The following FYCO1 variants were observed in gnomAD, a reference collection of about 807,000 sequenced individuals.
FYCO1 encodes the protein FYVE and coiled-coil domain-containing protein 1.
A neutral mutation model predicts 165.1 loss-of-function variants in FYCO1; 122 were observed. That is an observed-to-expected ratio of 0.74 (90% CI 0.64 to 0.86). The LOEUF (loss-of-function observed/expected upper bound fraction) is 0.86, where lower values mean the gene tolerates loss of function less well. Ranked by LOEUF, FYCO1 falls within the 40% of genes least tolerant of loss-of-function variation. The pLI, the probability that FYCO1 is intolerant of heterozygous loss-of-function variation, is 0.00. For synonymous variants in FYCO1, 648 were observed against 742.5 expected, an observed-to-expected ratio of 0.87 and a Z score of 2.07; for missense variants, 1,702 against 1,810.3, an observed-to-expected ratio of 0.94 and a Z score of 1.09.
Position 45,968,319 on chromosome 3 carries a change from G to A in FYCO1, c.1015C>T (p.Arg339Trp), listed in dbSNP as rs376685114. 3.7e-5 allele frequency: 59 copies of A among 1,613,676 alleles called. No individual in the cohort carries two copies. The highest frequency in any genetic ancestry group is 1.6e-4 in the Middle Eastern group (1 of 6,084). ...KEEDYHTALR[R>W]LESMLQPLAQ... Reference sequence around the variant, plus strand: ...AAGGGCTGCAGCATGGACTCCAGCCGCCGCAGGGCTGTGTGGTAGTCCTCC... The same window carrying A: ...AAGGGCTGCAGCATGGACTCCAGCCACCGCAGGGCTGTGTGGTAGTCCTCC... The change falls in exon 8 of 18, where the codon CGG (arginine) becomes TGG (tryptophan). Residue 339 changes from arginine (R) to tryptophan (W), a missense_variant. By Grantham distance (101) the Arg-to-Trp change is moderately radical. Coordinates refer to ENST00000296137, the MANE Select transcript of FYCO1 (RefSeq NM_024513.4).
intron 6 of FYCO1, among the ~76,000 whole-genome samples, chr3:45,972,805 C>T (rs1046479864): frequency 7.2e-5 from 11 of 152,162 alleles, no homozygotes; most frequent in African/African-American, 2.2e-4. Flanking sequence ...CCCCAATGCC[C>T]GTAACAACAA....
intron 15 of FYCO1, among the ~76,000 whole-genome samples, chr3:45,934,087 G>T (rs1703767474): frequency 6.6e-6 from 1 of 152,162 alleles, no homozygotes; most frequent in Non-Finnish European, 1.5e-5. Context: ...GAACAACACA[G>T]GGAAAAGAGA....
intron 1 of FYCO1, among the ~76,000 whole-genome samples, chr3:45,985,245 A>G (rs1707253771): frequency 1.3e-5 from 2 of 152,150 alleles, no homozygotes; most frequent in Non-Finnish European, 1.5e-5. Context: ...GCTAAACAAG[A>G]AATTAGATCA....
chr3:45,947,263 A>G, intron 14 of FYCO1: 2 of 1,614,106 alleles, frequency 1.2e-6, no homozygotes, highest in South Asian at 1.1e-5. Flanking sequence ...TGGGAATACT[A>G]TGCCATGACC....
intron 4 of FYCO1, among the ~76,000 whole-genome samples, chr3:45,976,375 T>C (rs1484663481): frequency 1.3e-5 from 2 of 152,168 alleles, no homozygotes; most frequent in African/African-American, 4.8e-5. Context: ...CCAAGGCGGA[T>C]GGAATAAAAG....
At chr3:45,977,639 T>C (rs1706841168) in intron 4 of FYCO1, among the ~76,000 whole-genome samples, 1 of 151,878 alleles carries the variant, frequency 6.6e-6, no homozygotes, top group Non-Finnish European at 1.5e-5. Flanking sequence ...GGAGAGCTGA[T>C]TCTGCTTTAA....
Position 45,967,598 on chromosome 3 carries a change from G to A in FYCO1, c.1736C>T (p.Ser579Phe). 1 of 1,614,102 alleles carries A rather than the reference G, an allele frequency of 6.2e-7. No homozygotes were observed. The highest frequency in any genetic ancestry group is 8.5e-7 in the Non-Finnish European group (1 of 1,180,024). The part of the protein sequence containing the change: ...EKNEALVPVN[S>F]SLQEAWGKPE... The stretch of plus-strand genomic sequence containing the variant: ...CTTCCCCCAGGCCTCTTGCAGACTG[G>A]AGTTCACAGGGACCAGGGCCTCATT... The change falls in exon 8 of 18, where the codon TCC (serine) becomes TTC (phenylalanine). Residue 579 changes from serine to phenylalanine, a missense_variant. Coordinates refer to ENST00000296137, the MANE Select transcript of FYCO1 (RefSeq NM_024513.4).
rs372414348 is a variant in FYCO1 at position 45,984,911 on chromosome 3, G to C, written c.-1C>G. 1.9e-6 allele frequency: 3 copies of C among 1,614,150 alleles called. No homozygotes were observed. The highest frequency in any genetic ancestry group is 2.5e-6 in the Non-Finnish European group (3 of 1,180,004). On this transcript the variant is annotated 5_prime_UTR_variant, in exon 2 of 18. Transcript: ENST00000296137. Reference sequence around the variant, plus strand: ...GGCTCTCTGCATTGGTGGAGGCCATGGTGAGTTTGCCTTTCTTGTCTGTAT... The same window carrying C: ...GGCTCTCTGCATTGGTGGAGGCCATCGTGAGTTTGCCTTTCTTGTCTGTAT...
chr3:45,988,271 C>G (rs540496270), intron 1 of FYCO1, among the ~76,000 whole-genome samples: 2 of 152,176 alleles, frequency 1.3e-5, no homozygotes, highest in African/African-American at 2.4e-5. Context: ...GCATCTTGCC[C>G]TCCTTGCTCC....
intron 15 of FYCO1, among the ~76,000 whole-genome samples, chr3:45,931,560 A>T (rs1443697184): frequency 6.6e-6 from 1 of 152,232 alleles, no homozygotes; most frequent in African/African-American, 2.4e-5. Flanking sequence ...GTTAAAGCCC[A>T]TGGGAACTAA....
Position 45,966,919 on chromosome 3 carries a change from G to A in FYCO1, c.2415C>T (p.Asp805=), listed in dbSNP as rs761853467. ...LQAKMRAALD[D]QDKVQSQLSM... is the part of the protein sequence containing the mutation. ...TTAGCTGGCTCTGCACCTTGTCCTG[G>A]TCATCCAGGGCTGCCCGCATCTTGG... The change falls in exon 8 of 18, where the codon GAC becomes GAT. Residue 805 remains aspartate (D), a synonymous_variant. Coordinates refer to ENST00000296137, the MANE Select transcript of FYCO1 (RefSeq NM_024513.4). The A allele has an allele frequency of 3.7e-6, 6 of 1,613,736 alleles. No individual in the cohort carries two copies. The highest frequency in any genetic ancestry group is 5.1e-6 in the Non-Finnish European group (6 of 1,180,034).
At chr3:45,970,683 C>T (rs1273730465) in intron 6 of FYCO1, among the ~76,000 whole-genome samples, 2 of 152,132 alleles carry the variant, frequency 1.3e-5, no homozygotes. Flanking sequence ...CCATGGACAA[C>T]AGGTGAGTAA....
intron 14 of FYCO1, chr3:45,946,478 C>A: frequency 6.2e-7 from 1 of 1,610,066 alleles, no homozygotes; most frequent in Non-Finnish European, 8.5e-7. Flanking sequence ...TCAGAACAGA[C>A]ACCATGGCAG....
At chr3:45,929,529 C>T (rs1703489401) in intron 16 of FYCO1, among the ~76,000 whole-genome samples, 2 of 152,112 alleles carry the variant, frequency 1.3e-5, no homozygotes, top group African/African-American at 2.4e-5. Flanking sequence ...GTCTGGGGAA[C>T]GTGATGGTGA....
At chr3:45,940,226 A>G (rs1272237021) in intron 14 of FYCO1, among the ~76,000 whole-genome samples, 4 of 152,226 alleles carry the variant, frequency 2.6e-5, no homozygotes, top group African/African-American at 7.2e-5. Context: ...GTGACCATCA[A>G]GTAATGGTCA....
intron 5 of FYCO1, among the ~76,000 whole-genome samples, chr3:45,973,797 C>T (rs1339184377): frequency 1.3e-5 from 2 of 152,166 alleles, no homozygotes; most frequent in East Asian, 3.9e-4. Context: ...GTCGCTCATG[C>T]CTGTAATCCC....
chr3:45,948,438 A>G (rs1408088447), intron 14 of FYCO1: 2 of 153,226 alleles, frequency 1.3e-5, no homozygotes, highest in African/African-American at 4.8e-5. Flanking sequence ...AGCCCGGGAA[A>G]TAAGTCGTAA....
chr3:45,949,077 C>A (rs923144527), intron 14 of FYCO1, among the ~76,000 whole-genome samples: 2 of 152,182 alleles, frequency 1.3e-5, no homozygotes, highest in Admixed American at 1.3e-4. Flanking sequence ...GGGTTTGTAT[C>A]GTGCCTTCCA....
At chr3:45,931,339 G>T in intron 15 of FYCO1, 58 bp from the exon 16 acceptor site, 1 of 1,527,424 alleles carries the variant, frequency 6.5e-7, no homozygotes, top group South Asian at 1.1e-5. Context: ...TGTGTCCACT[G>T]GCCAGGTCAT....
Sources: allele counts gnomAD v4.1 joint callset (sites outside exome capture counted in the v4.1 genomes callset), GRCh38; gene constraint gnomAD v4.1.1; transcripts MANE v1.5; gene names NCBI Gene and HGNC (gene_info 2026-07-23, HGNC 2026-07-21).